DRICH1: variants seen among roughly 807,000 people sequenced by gnomAD.
DRICH1 encodes aspartate rich 1.
In DRICH1, 38 loss-of-function variants were observed where a neutral mutation model predicts 39.5. The observed-to-expected ratio is 0.96, with a 90% CI of 0.74 to 1.26. The LOEUF (loss-of-function observed/expected upper bound fraction) is 1.26, where lower values mean the gene tolerates loss of function less well. Among genes scored for constraint, DRICH1 ranks in the 50% most tolerant of loss-of-function variants. DRICH1 has a pLI of 0.00. For missense variants in DRICH1, 279 were observed against 270.4 expected (o/e 1.03, Z -0.22); for synonymous variants, 84 against 99.5 (o/e 0.84, Z 0.93).
rs75614303 is a variant in DRICH1 at position 23,608,893 on chromosome 22, G to A, written c.686-125C>T. 1.5e-3 allele frequency: 1,586 copies of A among 1,061,194 alleles called. 24 individuals are homozygous for A. The African/African-American group carries it at 0.022, about 15-fold the overall frequency. The allele number at this position is 1,061,194 out of a possible 1,614,324, so 65.7% of individuals were successfully genotyped here. ...CTCCCGCCTCTGCAGTCCAGGCTGA[G>A]GAGAAATTACAGATGCGGAAACTCA... On this transcript the variant is annotated intron_variant, in intron 11 of 11. Transcript: ENST00000317749.
At chr22:23,608,116 C>G (rs986381856), downstream of DRICH1, 2 of 153,274 alleles carry the variant, frequency 1.3e-5, no homozygotes, top group Admixed American at 1.3e-4. Flanking sequence ...GAGGCCCCCC[C>G]AGGCTGTTAG....
chr22:23,597,122 T>C, the DRICH1 span, among the ~76,000 whole-genome samples: 1 of 136,966 alleles, frequency 7.3e-6, no homozygotes, highest in South Asian at 2.3e-4. Context: ...TAACTTTCAT[T>C]GACTGACCCA....
the DRICH1 span, among the ~76,000 whole-genome samples, chr22:23,597,792 G>A: frequency 6.6e-5 from 10 of 151,976 alleles, no homozygotes; most frequent in Non-Finnish European, 1.5e-4. Context: ...CAGGCCTGGT[G>A]GGGGGCTGGG....
the DRICH1 span, among the ~76,000 whole-genome samples, chr22:23,585,832 T>C: frequency 1.3e-5 from 2 of 152,234 alleles, no homozygotes; most frequent in African/African-American, 2.4e-5. Flanking sequence ...ATATATTGGT[T>C]ATTGATTTCT....
chr22:23,625,940 A>C, intron 2 of DRICH1, 41 bp downstream of exon 2: 1 of 1,525,110 alleles, frequency 6.6e-7, no homozygotes, highest in South Asian at 1.2e-5. Flanking sequence ...TGACATCAGG[A>C]AAGCAACATT....
rs560661830 is a variant in DRICH1, at chr22:23,620,603, G to C, written c.397C>G (p.Arg133Gly). The change falls in exon 5 of 12, where the codon CGT becomes GGT. Residue 133 changes from arginine to glycine, a missense_variant. By Grantham distance (125) the Arg-to-Gly change is moderately radical. Transcript: ENST00000317749. The stretch of plus-strand genomic sequence containing the variant: ...AGTTCAAGGTACATACCCTGGACAC[G>C]TGACGGTAAAATCTGCAACGAGACA... ...DDDDAQILPS[R>G]VQGGCYRFDS... The C allele has an allele frequency of 2.0e-5, 33 of 1,613,928 alleles. 1 individual carries two copies. Among genetic ancestry groups the C allele is most frequent in the Middle Eastern group, 3.3e-4 (2 of 6,062 alleles).
chr22:23,625,302 T>C (rs1194967326), intron 2 of DRICH1, among the ~76,000 whole-genome samples: 3 of 152,166 alleles, frequency 2.0e-5, no homozygotes, highest in Non-Finnish European at 4.4e-5. Flanking sequence ...TGTCTTGTTA[T>C]ATTTTTATAT....
At chr22:23,584,616 C>T in the DRICH1 span, among the ~76,000 whole-genome samples, 945 of 152,272 alleles carry the variant, frequency 6.2e-3, 5 homozygotes, top group South Asian at 0.029. Flanking sequence ...TTTCCTTGGA[C>T]ATGAGGATGA....
the DRICH1 span, among the ~76,000 whole-genome samples, chr22:23,586,820 C>T: frequency 6.6e-6 from 1 of 152,212 alleles, no homozygotes; most frequent in African/African-American, 2.4e-5. Context: ...GCTGGGATTA[C>T]AGATGTGAGC....
intron 3 of DRICH1, chr22:23,624,374 A>G (rs184792877): frequency 2.0e-6 from 2 of 979,776 alleles, no homozygotes; most frequent in Admixed American, 6.1e-5. Flanking sequence ...GATACTCAAT[A>G]GCCCATAAAC....
chr22:23,581,763 C>T, the DRICH1 span, among the ~76,000 whole-genome samples: 1 of 149,760 alleles, frequency 6.7e-6, no homozygotes, highest in East Asian at 2.0e-4. Flanking sequence ...TGCACCACCA[C>T]GACAAGCTAA....
intron 1 of DRICH1, among the ~76,000 whole-genome samples, chr22:23,629,148 C>T (rs192499567): frequency 1.4e-4 from 21 of 152,264 alleles, no homozygotes; most frequent in Admixed American, 1.3e-3. Flanking sequence ...AAGTGATTCT[C>T]CTGCCTCAAC....
the DRICH1 span, among the ~76,000 whole-genome samples, chr22:23,582,554 G>A: frequency 1.7e-4 from 7 of 40,096 alleles, no homozygotes; most frequent in African/African-American, 4.9e-4. Context: ...ACCTTCAGGG[G>A]CTTATTATTA....
At chr22:23,602,021 G>T in the DRICH1 span, among the ~76,000 whole-genome samples, 1 of 27,462 alleles carries the variant, frequency 3.6e-5, no homozygotes, top group Admixed American at 3.0e-4. Flanking sequence ...TGAGAGCAGG[G>T]GCTCACCCCT....
chr22:23,608,835 C>T, intron 11 of DRICH1, 67 bp from the exon 12 acceptor site: 1 of 1,523,820 alleles, frequency 6.6e-7, no homozygotes, highest in Non-Finnish European at 8.9e-7. Context: ...TGACATCATC[C>T]CACTAAGCAG....
intron 1 of DRICH1, 48 bp from the exon 2 acceptor site, chr22:23,626,096 G>A: frequency 1.4e-6 from 2 of 1,379,358 alleles, no homozygotes; most frequent in Non-Finnish European, 2.1e-6. Flanking sequence ...TTGGAGACTG[G>A]GAGTCCCTCA....
intron 5 of DRICH1, among the ~76,000 whole-genome samples, chr22:23,620,372 C>T (rs1201314323): frequency 1.3e-5 from 2 of 152,062 alleles, no homozygotes; most frequent in Non-Finnish European, 2.9e-5. Flanking sequence ...GCACTCACTT[C>T]TCCAACTCCA....
At chr22:23,624,512 G>A (rs910200726) in intron 3 of DRICH1, among the ~76,000 whole-genome samples, 4 of 152,048 alleles carry the variant, frequency 2.6e-5, no homozygotes, top group Admixed American at 2.6e-4. Context: ...GAAGGTTCTT[G>A]TAAATGCTGT....
downstream of DRICH1, among the ~76,000 whole-genome samples, chr22:23,604,815 C>A (rs995700839): frequency 1.3e-5 from 2 of 152,238 alleles, no homozygotes; most frequent in Non-Finnish European, 2.9e-5. Context: ...GTTGGACTAG[C>A]TAAAGCCTTA....
Sources: gnomAD v4.1 joint callset for allele counts (sites outside exome capture counted in the v4.1 genomes callset) on GRCh38, gnomAD v4.1.1 for gene constraint, MANE v1.5 for transcripts, NCBI Gene and HGNC (gene_info 2026-07-23, HGNC 2026-07-21) for gene names.